MPDZ: variants seen among roughly 807,000 people sequenced by gnomAD.
MPDZ encodes the protein multiple PDZ domain protein.
In MPDZ, 234 loss-of-function variants were observed where a neutral mutation model predicts 239.1. The observed-to-expected ratio is 0.98, with a 90% confidence interval of 0.88 to 1.09. The LOEUF (loss-of-function observed/expected upper bound fraction) is 1.09. Ranked by LOEUF, MPDZ falls within the 50% of genes least tolerant of loss-of-function variation. The probability of loss-of-function intolerance (pLI) is 0.00; values close to 1 mark genes in which losing one functional copy is unlikely to be tolerated. For missense variants in MPDZ, 3,175 were observed against 2,510.0 expected (o/e 1.26, Z -5.66); for synonymous variants, 1,048 against 881.3 (o/e 1.19, Z -3.35).
chr9:13,202,317 C>G (rs1302664149), intron 12 of MPDZ, among the ~76,000 whole-genome samples: 2 of 152,128 alleles, frequency 1.3e-5, no homozygotes, highest in East Asian at 1.9e-4. Flanking sequence ...CTATGGGTCT[C>G]CAGCCTGGGG....
chr9:13,173,901 G>A (rs1489443052), intron 21 of MPDZ, among the ~76,000 whole-genome samples: 2 of 152,104 alleles, frequency 1.3e-5, no homozygotes, highest in African/African-American at 2.4e-5. Context: ...GGCAGTAGAT[G>A]GCTGCAGCAG....
At chr9:13,257,402 T>G (rs1969692038) in intron 1 of MPDZ, among the ~76,000 whole-genome samples, 1 of 152,156 alleles carries the variant, frequency 6.6e-6, no homozygotes, top group Admixed American at 6.5e-5. Context: ...GAACTTGGAA[T>G]TGAACCCTAC....
At chr9:13,196,932 T>C (rs1955725980) in intron 12 of MPDZ, among the ~76,000 whole-genome samples, 1 of 151,890 alleles carries the variant, frequency 6.6e-6, no homozygotes, top group East Asian at 1.9e-4. Context: ...GATTTGTCTT[T>C]TTAAAATCTC....
intron 1 of MPDZ, among the ~76,000 whole-genome samples, chr9:13,263,394 CAAAA>C (rs1218234444): frequency 6.3e-5 from 5 of 79,410 alleles, no homozygotes; most frequent in Non-Finnish European, 8.3e-5. Flanking sequence ...CCTTGTTTGG[CAAAA>C]AAAAAAAAAA....
intron 46 of MPDZ, among the ~76,000 whole-genome samples, chr9:13,108,543 C>G (rs772534237): frequency 2.2e-4 from 33 of 151,938 alleles, no homozygotes; most frequent in African/African-American, 8.0e-4. Context: ...TTCTCTATAA[C>G]TATTTTATAT....
chr9:13,242,844 T>A (rs192519161), intron 3 of MPDZ, among the ~76,000 whole-genome samples: 2 of 152,168 alleles, frequency 1.3e-5, no homozygotes, highest in African/African-American at 4.8e-5. Flanking sequence ...GTGCTGTACA[T>A]TGAAGGATGT....
intron 3 of MPDZ, among the ~76,000 whole-genome samples, chr9:13,225,581 T>A (rs916570618): frequency 1.3e-5 from 2 of 151,988 alleles, no homozygotes; most frequent in African/African-American, 4.8e-5. Context: ...TTTTACCTTT[T>A]AACCACATTT....
chr9:13,125,250 T>C lies in MPDZ; in HGVS notation c.4773A>G (p.Pro1591=), dbSNP rs773003370. 6.2e-7 allele frequency: 1 copy of C among 1,610,914 alleles called. No individual in the cohort carries two copies. The change falls in exon 35 of 47, where the codon CCA becomes CCG. Residue 1591 remains proline, a synonymous_variant. Coordinates refer to ENST00000319217, the MANE Select transcript of MPDZ (RefSeq NM_001378778.1). Reference sequence around the variant, plus strand: ...ACTCCGGTTCTGGGGAGCCAGACTGTGGGACCATCAGAGACTGGGAGCTGT... The same window carrying C: ...ACTCCGGTTCTGGGGAGCCAGACTGCGGGACCATCAGAGACTGGGAGCTGT... ...KKNSSQSLMV[P]QSGSPEPESI... is the part of the protein sequence containing the mutation.
At chr9:13,124,117 T>A (rs1944773009) in intron 35 of MPDZ, among the ~76,000 whole-genome samples, 1 of 152,222 alleles carries the variant, frequency 6.6e-6, no homozygotes, top group Non-Finnish European at 1.5e-5. Flanking sequence ...AGATGTTCTC[T>A]TTTTAGGAAA....
intron 19 of MPDZ, among the ~76,000 whole-genome samples, chr9:13,182,935 T>TA (rs945602953): frequency 6.6e-6 from 1 of 152,184 alleles, no homozygotes; most frequent in Non-Finnish European, 1.5e-5. Flanking sequence ...ATTTTTTATG[T>TA]AAAGTATTCT....
intron 17 of MPDZ, among the ~76,000 whole-genome samples, chr9:13,186,818 A>G (rs893752877): frequency 1.3e-5 from 2 of 152,208 alleles, no homozygotes; most frequent in Admixed American, 6.5e-5. Context: ...ACAAAATATT[A>G]AAAAGAAATA....
intron 28 of MPDZ, among the ~76,000 whole-genome samples, chr9:13,138,859 A>T (rs1011611168): frequency 5.9e-5 from 9 of 152,192 alleles, no homozygotes; most frequent in African/African-American, 2.2e-4. Flanking sequence ...CAACCATGTA[A>T]ATGAGCTGTC....
intron 19 of MPDZ, among the ~76,000 whole-genome samples, chr9:13,181,251 T>C (rs774581750): frequency 7.2e-5 from 11 of 152,164 alleles, no homozygotes; most frequent in Admixed American, 2.6e-4. Context: ...CTATACGGTA[T>C]TACTTTATAA....
chr9:13,279,065 G>C (rs758616663), intron 1 of MPDZ: 26 of 152,436 alleles, frequency 1.7e-4, no homozygotes, highest in Non-Finnish European at 3.5e-4. Flanking sequence ...AGGGGTGGCG[G>C]GGGTGCTGAA....
intron 3 of MPDZ, among the ~76,000 whole-genome samples, chr9:13,233,168 C>G (rs1963008965): frequency 6.6e-6 from 1 of 151,900 alleles, no homozygotes; most frequent in Non-Finnish European, 1.5e-5. Flanking sequence ...GAATATATAC[C>G]TTAGGACCCA....
At chr9:13,189,254 C>T (rs945939219) in intron 16 of MPDZ, among the ~76,000 whole-genome samples, 22 of 152,066 alleles carry the variant, frequency 1.4e-4, no homozygotes, top group Non-Finnish European at 7.4e-5. Context: ...GTACAGATAA[C>T]TTTAAAATTA....
intron 26 of MPDZ, among the ~76,000 whole-genome samples, chr9:13,145,204 T>C (rs1948269680): frequency 6.6e-6 from 1 of 152,050 alleles, no homozygotes; most frequent in Non-Finnish European, 1.5e-5. Context: ...AGACTATTTC[T>C]TATTAAAAAA....
chr9:13,107,181 TCTC>T, intron 46 of MPDZ, 70 bp from the exon 47 acceptor site: 1 of 1,470,524 alleles, frequency 6.8e-7, no homozygotes. Context: ...CAGAAAAAGA[TCTC>T]AACAGGAATG....
In MPDZ at chr9:13,168,576, G is replaced by C. The variant is rs760381249; in HGVS notation, c.3056-12C>G. On this transcript the variant is annotated splice_polypyrimidine_tract_variant and intron_variant, in intron 21 of 46. Transcript: ENST00000319217. ...ACTAACTGTCATTCCTACAGGAAAA[G>C]AGAAATGCAAATATAATTAAATACA... 1 of 1,518,748 alleles carries C rather than the reference G, an allele frequency of 6.6e-7. No homozygotes were observed. Among genetic ancestry groups the C allele is most frequent in the Non-Finnish European group, 8.8e-7 (1 of 1,134,078 alleles). 94.1% of individuals were successfully genotyped at this position (1,518,748 alleles called of 1,614,324 possible). A position where few individuals can be genotyped will look rare whatever the true frequency, so the allele number is the denominator to read the frequency against.
Sources: allele counts gnomAD v4.1 joint callset (sites outside exome capture counted in the v4.1 genomes callset), GRCh38; gene constraint gnomAD v4.1.1; transcripts MANE v1.5; gene names NCBI Gene and HGNC (gene_info 2026-07-23, HGNC 2026-07-21).